CCDC102B: variants seen among roughly 807,000 people sequenced by gnomAD.
The protein encoded by CCDC102B is coiled-coil domain containing 102B.
Under a neutral mutation model 57.4 loss-of-function variants are expected in CCDC102B, and 75 were observed. The ratio of observed to expected loss-of-function variants is 1.31; its 90% confidence interval spans 1.08 to 1.58. The LOEUF (loss-of-function observed/expected upper bound fraction) is 1.58. Ranked by LOEUF, CCDC102B falls within the 40% of genes most tolerant of loss-of-function variation. The pLI is 0.00. For missense variants in CCDC102B, 636 were observed against 582.6 expected, an observed-to-expected ratio of 1.09 and a Z score of -0.94; for synonymous variants, 206 against 201.9, an observed-to-expected ratio of 1.02 and a Z score of -0.17.
chr18:68,958,078 AAG>A (rs1491286080), intron 6 of CCDC102B, among the ~76,000 whole-genome samples: 369 of 152,216 alleles, frequency 2.4e-3, no homozygotes, highest in African/African-American at 8.3e-3. Flanking sequence ...CAGACAAGAG[AAG>A]AGAGCTAGTG....
At chr18:68,921,621 A>G (rs936459685) in intron 6 of CCDC102B, among the ~76,000 whole-genome samples, 10 of 152,212 alleles carry the variant, frequency 6.6e-5, no homozygotes, top group African/African-American at 2.2e-4. Context: ...TTGACCTGCC[A>G]TTGCTGGCTT....
At chr18:68,907,429 C>T (rs2040689808) in intron 6 of CCDC102B, among the ~76,000 whole-genome samples, 1 of 151,400 alleles carries the variant, frequency 6.6e-6, no homozygotes, top group African/African-American at 2.4e-5. Context: ...GTATTCTTAT[C>T]TGTGCATATA....
intron 1 of CCDC102B, among the ~76,000 whole-genome samples, chr18:68,836,025 G>T (rs2037352026): frequency 6.6e-6 from 1 of 152,116 alleles, no homozygotes; most frequent in African/African-American, 2.4e-5. Flanking sequence ...TTAACCTATA[G>T]ATCAATAGGT....
intron 6 of CCDC102B, among the ~76,000 whole-genome samples, chr18:68,997,910 T>TC (rs1463204327): frequency 1.3e-5 from 2 of 152,174 alleles, no homozygotes; most frequent in East Asian, 3.8e-4. Flanking sequence ...TGCTATTTTT[T>TC]CTGTTGTGTT....
chr18:68,854,500 T>C (rs1459830787), intron 4 of CCDC102B, among the ~76,000 whole-genome samples: 1 of 152,180 alleles, frequency 6.6e-6, no homozygotes, highest in Non-Finnish European at 1.5e-5. Flanking sequence ...CCATGAGTTT[T>C]GCATCTATGG....
chr18:68,721,848 G>A (rs773246083), intron 2 of CCDC102B, among the ~76,000 whole-genome samples: 2 of 152,336 alleles, frequency 1.3e-5, no homozygotes, highest in Middle Eastern at 3.4e-3. Flanking sequence ...TAGCAAAAGC[G>A]AAAGTAAGTT....
chr18:68,718,032 A>G (rs887300189), intron 2 of CCDC102B: 2 of 152,418 alleles, frequency 1.3e-5, no homozygotes, highest in African/African-American at 4.8e-5. Context: ...AGAAGGTACC[A>G]TCCTGGAAGC....
intron 6 of CCDC102B, among the ~76,000 whole-genome samples, chr18:68,981,220 T>C (rs960978425): frequency 1.3e-5 from 2 of 151,538 alleles, no homozygotes; most frequent in African/African-American, 4.8e-5. Context: ...AGATATTCAA[T>C]GCCAAATATA....
At chr18:68,866,761 G>A (rs2039003907) in intron 4 of CCDC102B, 1 of 648,900 alleles carries the variant, frequency 1.5e-6, no homozygotes, top group Non-Finnish European at 3.0e-6. Context: ...GAGTGCACGG[G>A]TCTGTCTTTT....
intron 2 of CCDC102B, chr18:68,721,382 C>A: frequency 6.6e-6 from 1 of 152,368 alleles, no homozygotes; most frequent in East Asian, 1.9e-4. Context: ...TTCCACCCTT[C>A]CCCTTTACTG....
At chr18:68,847,224 C>T (rs1292168766) in intron 4 of CCDC102B, among the ~76,000 whole-genome samples, 1 of 151,522 alleles carries the variant, frequency 6.6e-6, no homozygotes, top group South Asian at 2.1e-4. Context: ...CATGGATATA[C>T]GGATCCATAG....
chr18:68,836,642 A>G lies in CCDC102B; in HGVS notation c.-15-107A>G, dbSNP rs1373195556. On this transcript the variant is annotated intron_variant, in intron 1 of 7. Transcript: ENST00000360242. Reference sequence around the variant, plus strand: ...ACTCTGTCAAAAATAAAAAAAAAGCATTGTTTTCATCAATTTTCAAAAAAA... The same window carrying G: ...ACTCTGTCAAAAATAAAAAAAAAGCGTTGTTTTCATCAATTTTCAAAAAAA... 381 of 703,462 alleles carry G rather than the reference A, an allele frequency of 5.4e-4. 3 individuals are homozygous for G. The highest frequency in any genetic ancestry group is 7.3e-4 in the Non-Finnish European group (341 of 469,906). 43.6% of individuals were successfully genotyped at this position (703,462 alleles called of 1,614,324 possible).
chr18:68,793,988 G>A (rs2035549753), upstream of CCDC102B, among the ~76,000 whole-genome samples: 1 of 152,124 alleles, frequency 6.6e-6, no homozygotes, highest in South Asian at 2.1e-4. Context: ...AGAATCTAGA[G>A]TAAATCAGTT....
At chr18:68,766,371 T>C (rs1490867294) in intron 2 of CCDC102B, among the ~76,000 whole-genome samples, 5 of 152,160 alleles carry the variant, frequency 3.3e-5, no homozygotes, top group Non-Finnish European at 1.5e-5. Flanking sequence ...CATATATCAT[T>C]CCCTAAAATC....
chr18:69,012,474 C>T (rs1020869754), intron 7 of CCDC102B, among the ~76,000 whole-genome samples: 4 of 152,056 alleles, frequency 2.6e-5, no homozygotes, highest in African/African-American at 4.8e-5. Flanking sequence ...AGGAGGGTAA[C>T]ATTATTTGTT....
At position 68,931,753 on chromosome 18, in the gene CCDC102B, G is replaced by A. The variant is rs549477523; in HGVS notation, c.1263+34325G>A. 3.3e-5 allele frequency among the ~76,000 whole-genome samples: 5 copies of A among 151,966 alleles called. No homozygotes were observed. The East Asian group carries it at 9.8e-4, about 30-fold the overall frequency. On this transcript the variant is annotated intron_variant, in intron 6 of 7. Transcript: ENST00000360242. Reference sequence around the variant, plus strand: ...GAGAGCACAGGTATGTATCCTTAGGGAAGCCTTATGACCAAGCCTGGAAGT... The same window carrying A: ...GAGAGCACAGGTATGTATCCTTAGGAAAGCCTTATGACCAAGCCTGGAAGT...
chr18:68,860,915 C>G (rs1481363516), intron 4 of CCDC102B, among the ~76,000 whole-genome samples: 1 of 147,694 alleles, frequency 6.8e-6, no homozygotes, highest in Non-Finnish European at 1.5e-5. Context: ...GCTCCTGGGA[C>G]AGTCCTGGCG....
At chr18:68,882,953 G>C (rs564920353) in intron 5 of CCDC102B, among the ~76,000 whole-genome samples, 1 of 152,136 alleles carries the variant, frequency 6.6e-6, no homozygotes, top group African/African-American at 2.4e-5. Flanking sequence ...ACATGGACAC[G>C]TAGAGGGGAA....
intron 5 of CCDC102B, 175 bp downstream of exon 5, chr18:68,874,960 C>T (rs970352441): frequency 4.3e-5 from 20 of 461,696 alleles, no homozygotes; most frequent in Middle Eastern, 5.8e-4. Flanking sequence ...TGACATTGGC[C>T]CATAACTAGA....
Sources: gnomAD v4.1 joint callset for allele counts (sites outside exome capture counted in the v4.1 genomes callset) on GRCh38, gnomAD v4.1.1 for gene constraint, MANE v1.5 for transcripts, NCBI Gene and HGNC (gene_info 2026-07-23, HGNC 2026-07-21) for gene names.